DIS3L2: variants seen among roughly 807,000 people sequenced by gnomAD.
The protein encoded by DIS3L2 is DIS3-like exonuclease 2.
DIS3L2 carries 34 observed loss-of-function variants against 97.5 expected under a neutral mutation model. The ratio of observed to expected loss-of-function variants is 0.35; its 90% CI spans 0.27 to 0.46. DIS3L2 has a LOEUF of 0.46. Among genes scored for constraint, DIS3L2 ranks in the 20% least tolerant of loss-of-function variants. DIS3L2 has a pLI of 1.00. For synonymous variants in DIS3L2, 435 were observed against 445.2 expected (o/e 0.98, Z 0.29); for missense variants, 1,038 against 1,146.0 (o/e 0.91, Z 1.36).
chr2:231,968,518 C>A (rs1373657627), intron 1 of DIS3L2, among the ~76,000 whole-genome samples: 1 of 152,218 alleles, frequency 6.6e-6, no homozygotes, highest in East Asian at 1.9e-4. Flanking sequence ...AGAGTCATCC[C>A]TGTTGTTAAG....
chr2:232,048,687 C>T (rs926168932), intron 5 of DIS3L2, among the ~76,000 whole-genome samples: 7 of 151,322 alleles, frequency 4.6e-5, no homozygotes, highest in South Asian at 2.1e-4. Flanking sequence ...AGCCCAGACG[C>T]GCCACTGCAC....
chr2:231,989,942 A>G (rs566952840), intron 1 of DIS3L2, among the ~76,000 whole-genome samples: 1 of 152,020 alleles, frequency 6.6e-6, no homozygotes, highest in African/African-American at 2.4e-5. Context: ...AAAACCTTCC[A>G]GGGTGGCTTT....
At chr2:232,323,079 C>T (rs1403417365) in intron 14 of DIS3L2, among the ~76,000 whole-genome samples, 1 of 152,242 alleles carries the variant, frequency 6.6e-6, no homozygotes, top group East Asian at 1.9e-4. Flanking sequence ...TCCTCAGGAC[C>T]TTGTTTCCAG....
At chr2:232,118,266 G>C (rs1319180185) in intron 6 of DIS3L2, among the ~76,000 whole-genome samples, 3 of 152,160 alleles carry the variant, frequency 2.0e-5, no homozygotes, top group African/African-American at 4.8e-5. Flanking sequence ...ACAAGTCCCA[G>C]GTCCCGCCCA....
intron 16 of DIS3L2, 75 bp from the exon 17 acceptor site, chr2:232,333,765 G>T: frequency 7.5e-6 from 11 of 1,466,732 alleles, no homozygotes; most frequent in South Asian, 2.9e-5. Context: ...CGGTGAGGCT[G>T]TGGGTGGTGC....
Position 232,004,221 on chromosome 2 carries a change from C to T in DIS3L2, c.-93-10614C>T, listed in dbSNP as rs537645175. ...CCAAGTAGCTGAGATTACAGGCATG[C>T]GCCACCACATCCCGCTAATTTTTGT... On this transcript the variant is annotated intron_variant, in intron 1 of 20. Coordinates refer to ENST00000325385, the MANE Select transcript of DIS3L2 (RefSeq NM_152383.5). 4.6e-5 allele frequency among the ~76,000 whole-genome samples: 7 copies of T among 152,086 alleles called. No homozygotes were observed. In the South Asian group the frequency reaches 1.5e-3, roughly 32 times the overall value.
chr2:232,157,007 A>G (rs555987320), intron 8 of DIS3L2, among the ~76,000 whole-genome samples: 7 of 152,312 alleles, frequency 4.6e-5, no homozygotes, highest in African/African-American at 1.7e-4. Flanking sequence ...TCAAAATAAT[A>G]TATTATTAAC....
intron 6 of DIS3L2, among the ~76,000 whole-genome samples, chr2:232,123,978 G>T (rs1697981359): frequency 6.6e-6 from 1 of 152,148 alleles, no homozygotes; most frequent in Admixed American, 6.5e-5. Flanking sequence ...AAATCAAGTG[G>T]AAATTCTTTC....
chr2:232,139,997 G>A (rs1451283935), intron 8 of DIS3L2, among the ~76,000 whole-genome samples: 1 of 152,094 alleles, frequency 6.6e-6, no homozygotes, highest in Non-Finnish European at 1.5e-5. Context: ...AGGGGGAGTG[G>A]GTGGATGCTG....
At chr2:232,247,647 G>GGGGGGGGTTGT (rs1559173677) in intron 11 of DIS3L2, among the ~76,000 whole-genome samples, 1 of 77,628 alleles carries the variant, frequency 1.3e-5, no homozygotes, top group Non-Finnish European at 2.6e-5. Flanking sequence ...GGGGGGGAGG[G>GGGGGGGGTTGT]TGCCAATTCA....
At chr2:232,057,898 A>G (rs1249588997) in intron 5 of DIS3L2, among the ~76,000 whole-genome samples, 1 of 152,206 alleles carries the variant, frequency 6.6e-6, no homozygotes, top group African/African-American at 2.4e-5. Context: ...TCATCATATT[A>G]TGCATTTATG....
chr2:232,022,602 A>G (rs1306270198), intron 3 of DIS3L2, among the ~76,000 whole-genome samples: 2 of 152,172 alleles, frequency 1.3e-5, no homozygotes, highest in Non-Finnish European at 2.9e-5. Flanking sequence ...AGGCCAGAGA[A>G]AAGCATCTGG....
chr2:232,190,139 G>A (rs1318312747), intron 9 of DIS3L2, among the ~76,000 whole-genome samples: 1 of 152,124 alleles, frequency 6.6e-6, no homozygotes, highest in Non-Finnish European at 1.5e-5. Flanking sequence ...ACCAGCCTGG[G>A]CAACATGATG....
chr2:232,147,304 T>C (rs773914744), intron 8 of DIS3L2, among the ~76,000 whole-genome samples: 1 of 152,170 alleles, frequency 6.6e-6, no homozygotes, highest in African/African-American at 2.4e-5. Context: ...AGAACAGATT[T>C]AGATTTACAG....
chr2:232,162,901 G>A (rs1057363501), intron 8 of DIS3L2, among the ~76,000 whole-genome samples: 2 of 152,110 alleles, frequency 1.3e-5, no homozygotes, highest in African/African-American at 4.8e-5. Flanking sequence ...ATGGGCCAGT[G>A]CCCTAAAATG....
At chr2:232,312,242 A>G (rs1320671967) in intron 14 of DIS3L2, among the ~76,000 whole-genome samples, 1 of 152,202 alleles carries the variant, frequency 6.6e-6, no homozygotes, top group African/African-American at 2.4e-5. Flanking sequence ...CTTTTTGTAT[A>G]CCATTTAAGA....
intron 5 of DIS3L2, among the ~76,000 whole-genome samples, chr2:232,078,451 CA>C (rs1696282867): frequency 6.6e-6 from 1 of 152,176 alleles, no homozygotes; most frequent in Non-Finnish European, 1.5e-5. Context: ...TGCTAACTTT[CA>C]AAGTTGAGAA....
intron 1 of DIS3L2, among the ~76,000 whole-genome samples, chr2:231,975,888 C>G (rs1408522409): frequency 6.6e-6 from 1 of 151,852 alleles, no homozygotes; most frequent in East Asian, 1.9e-4. Context: ...CTTTCCTGTT[C>G]TTTATTCTCA....
chr2:232,319,504 C>A (rs183659969), intron 14 of DIS3L2, among the ~76,000 whole-genome samples: 8 of 152,316 alleles, frequency 5.3e-5, no homozygotes, highest in Non-Finnish European at 1.0e-4. Context: ...CCACACAGGG[C>A]CCTCCTGGGG....
Sources: allele counts gnomAD v4.1 joint callset (sites outside exome capture counted in the v4.1 genomes callset), GRCh38; gene constraint gnomAD v4.1.1; transcripts MANE v1.5; gene names NCBI Gene and HGNC (gene_info 2026-07-23, HGNC 2026-07-21).